The following CCDC92 variants were observed in gnomAD, a reference collection of about 807,000 sequenced individuals.
CCDC92 encodes coiled-coil domain containing 92.
A neutral mutation model predicts 24.9 loss-of-function variants in CCDC92; 12 were observed. The ratio of observed to expected loss-of-function variants is 0.48; its 90% CI spans 0.31 to 0.78. The LOEUF is 0.78. Ranked by LOEUF, CCDC92 falls within the 30% of genes least tolerant of loss-of-function variation. CCDC92 has a pLI of 0.05. For synonymous variants in CCDC92, 193 were observed against 196.3 expected, an observed-to-expected ratio of 0.98 and a Z score of 0.14; for missense variants, 399 against 439.4, an observed-to-expected ratio of 0.91 and a Z score of 0.82.
At chr12:123,966,607 G>C (rs1271926395) in intron 1 of CCDC92, 1 of 152,190 alleles carries the variant, frequency 6.6e-6, no homozygotes, top group Non-Finnish European at 1.5e-5. Flanking sequence ...AGGATTCCCA[G>C]TTTCTTCAGT....
chr12:123,951,760 G>A (rs1956031923), intron 1 of CCDC92, among the ~76,000 whole-genome samples: 1 of 152,200 alleles, frequency 6.6e-6, no homozygotes, highest in Admixed American at 6.5e-5. Flanking sequence ...CTTAAGCGTT[G>A]CCATCAAGAA....
intron 1 of CCDC92, among the ~76,000 whole-genome samples, chr12:123,969,461 GTTTTTT>G (rs60485501): frequency 7.5e-5 from 7 of 93,058 alleles, no homozygotes; most frequent in Non-Finnish European, 1.2e-4. Flanking sequence ...CTCTTATTCA[GTTTTTT>G]TTTTTTTTTT....
At chr12:123,951,395 T>G (rs1376472239) in intron 1 of CCDC92, among the ~76,000 whole-genome samples, 1 of 152,236 alleles carries the variant, frequency 6.6e-6, no homozygotes, top group African/African-American at 2.4e-5. Flanking sequence ...GGGAGATTGT[T>G]TCTGAGCAAT....
chr12:123,944,698 C>T (rs759496355), intron 1 of CCDC92: 13 of 166,468 alleles, frequency 7.8e-5, no homozygotes, highest in Non-Finnish European at 1.5e-4. Context: ...ACTTCCTGGG[C>T]GCTGCTCCGG....
chr12:123,950,537 A>T (rs142992027), intron 1 of CCDC92, among the ~76,000 whole-genome samples: 1 of 152,282 alleles, frequency 6.6e-6, no homozygotes, highest in Non-Finnish European at 1.5e-5. Context: ...AAGCAGCAAG[A>T]CTAGCTTAGG....
intron 2 of CCDC92, 173 bp downstream of exon 2, chr12:123,944,096 AAGC>A: frequency 1.9e-6 from 1 of 538,528 alleles, no homozygotes. Flanking sequence ...TTCCAGAGGG[AAGC>A]CCCCTGCACT....
At position 123,959,595 on chromosome 12, in the gene CCDC92, G is replaced by A. The variant is rs144741584; in HGVS notation, c.-60+12934C>T. Among the ~76,000 whole-genome samples, 821 of 152,214 alleles carry A rather than the reference G, an allele frequency of 5.4e-3. 6 individuals carry two copies. Among genetic ancestry groups the A allele is most frequent in the African/African-American group, 0.017 (707 of 41,518 alleles). ...GCTGGGATTACAGGTGTGAGCCACC[G>A]CATGCGGCCTTAGGTGCCAGGCTTA... is the stretch of plus-strand genomic sequence containing the variant. On this transcript the variant is annotated intron_variant, in intron 1 of 4. Transcript: ENST00000238156.
At chr12:123,970,452 T>G (rs577397722) in intron 1 of CCDC92, 12 of 152,272 alleles carry the variant, frequency 7.9e-5, no homozygotes, top group Non-Finnish European at 1.6e-4. Context: ...AATCCCTTGC[T>G]GCATGACAGA....
chr12:123,940,143 G>A (rs1254337519), intron 4 of CCDC92, among the ~76,000 whole-genome samples: 3 of 152,240 alleles, frequency 2.0e-5, no homozygotes, highest in Admixed American at 2.0e-4. Context: ...TGTCCTGTGA[G>A]GGGCAGCCCA....
Position 123,959,092 on chromosome 12 carries a change from G to T in CCDC92, c.-60+13437C>A, listed in dbSNP as rs140913890. Among the ~76,000 whole-genome samples, 11 of 152,316 alleles carry T rather than the reference G, an allele frequency of 7.2e-5. No individual in the cohort carries two copies. In the East Asian group the frequency reaches 1.9e-3, roughly 27 times the overall value. On this transcript the variant is annotated intron_variant, in intron 1 of 4. Coordinates refer to ENST00000238156, the MANE Select transcript of CCDC92 (RefSeq NM_025140.3). ...CCAGACCTCCACGGTTTGCATTCCAGTTCTGCCCTTCGTTAAGGATGCAGC... is the reference window on the plus strand; with the variant it reads ...CCAGACCTCCACGGTTTGCATTCCATTTCTGCCCTTCGTTAAGGATGCAGC...
chr12:123,951,494 C>T (rs556918412), intron 1 of CCDC92, among the ~76,000 whole-genome samples: 1 of 152,328 alleles, frequency 6.6e-6, no homozygotes, highest in South Asian at 2.1e-4. Flanking sequence ...CACACTAGCA[C>T]TCAGGTGGTA....
rs920130146 is a variant in CCDC92, at chr12:123,964,610, G to C, written c.-60+7919C>G. Among the ~76,000 whole-genome samples, 65 of 152,134 alleles carry C rather than the reference G, an allele frequency of 4.3e-4. 2 individuals carry two copies. Among genetic ancestry groups the C allele is most frequent in the Non-Finnish European group, 5.9e-5 (4 of 68,006 alleles). On this transcript the variant is annotated intron_variant, in intron 1 of 4. Coordinates refer to ENST00000238156, the MANE Select transcript of CCDC92 (RefSeq NM_025140.3). ...CAAAAAGTAGAATTTTTTCACAAAG[G>C]CTAAATTAAATGGAACTTCCTAAAT...
At position 123,937,097 on chromosome 12, in the gene CCDC92, C is replaced by T; in HGVS notation, c.957G>A (p.Lys319=). Residue 319 remains lysine (K), a synonymous_variant, in exon 5 of 5, where the codon AAG becomes AAA. Transcript: ENST00000238156. This position sits in a 1 kb window ranked among gnomAD's most constrained non-coding sequence, Gnocchi z 8.4. The part of the protein sequence containing the change: ...TLAVDQVNGG[K]VVRKHSGTDR... ...CCGTCCCTGAGTGCTTCCTCACCAC[C>T]TTGCCTCCGTTCACCTGGTCGACCG... The T allele has an allele frequency of 6.2e-7, 1 of 1,613,974 alleles. No homozygotes were observed. Among genetic ancestry groups the T allele is most frequent in the Non-Finnish European group, 8.5e-7 (1 of 1,180,026 alleles).
intron 1 of CCDC92, chr12:123,945,298 T>C (rs1955811949): frequency 6.6e-6 from 1 of 152,190 alleles, no homozygotes; most frequent in Non-Finnish European, 1.5e-5. Context: ...TGAGAAAGGA[T>C]GTTTCTGTCC....
chr12:123,938,272 G>A (rs1415243657), intron 4 of CCDC92, among the ~76,000 whole-genome samples: 1 of 152,128 alleles, frequency 6.6e-6, no homozygotes, highest in African/African-American at 2.4e-5. Flanking sequence ...CTGATGTTTA[G>A]AGGAGAAGAG....
At chr12:123,958,092 T>G (rs747960163) in intron 1 of CCDC92, among the ~76,000 whole-genome samples, 2 of 151,318 alleles carry the variant, frequency 1.3e-5, no homozygotes, top group Non-Finnish European at 3.0e-5. Flanking sequence ...TCACTCTTGT[T>G]GCCCAGGCTG....
chr12:123,969,660 C>CA (rs755205691), intron 1 of CCDC92, among the ~76,000 whole-genome samples: 11 of 151,894 alleles, frequency 7.2e-5, no homozygotes, highest in Non-Finnish European at 1.3e-4. Context: ...GATGGGGTTT[C>CA]ACCATGTTGC....
At chr12:123,941,327 C>T (rs1212234069) in intron 4 of CCDC92, among the ~76,000 whole-genome samples, 2 of 152,188 alleles carry the variant, frequency 1.3e-5, no homozygotes, top group Admixed American at 1.3e-4. Context: ...AGGACAGGCT[C>T]CCATTCCACC....
chr12:123,964,411 G>C (rs1367989588), intron 1 of CCDC92, among the ~76,000 whole-genome samples: 1 of 150,504 alleles, frequency 6.6e-6, no homozygotes, highest in African/African-American at 2.5e-5. Flanking sequence ...TCTTCTATAT[G>C]GGGGGGTGAT....
Sources: gnomAD v4.1 joint callset for allele counts (sites outside exome capture counted in the v4.1 genomes callset) on GRCh38, gnomAD v4.1.1 for gene constraint, Gnocchi (gnomAD v3.1) non-coding constraint, MANE v1.5 for transcripts, NCBI Gene and HGNC (gene_info 2026-07-23, HGNC 2026-07-21) for gene names.